Variants in RIOK3 observed in about 807,000 individuals in gnomAD.
RIOK3 encodes the protein RIO kinase 3.
Under a neutral mutation model 63.5 loss-of-function variants are expected in RIOK3, and 40 were observed. The ratio of observed to expected loss-of-function variants is 0.63; its 90% confidence interval spans 0.49 to 0.82. The LOEUF (loss-of-function observed/expected upper bound fraction) is 0.82. Ranked by LOEUF, RIOK3 falls within the 40% of genes least tolerant of loss-of-function variation. The pLI, the probability that RIOK3 is intolerant of heterozygous loss-of-function variation, is 0.00. For synonymous variants in RIOK3, 193 were observed against 205.0 expected (o/e 0.94, Z 0.50); for missense variants, 557 against 637.0 (o/e 0.87, Z 1.35).
intron 12 of RIOK3, 125 bp from the exon 13 acceptor site, chr18:23,481,047 T>C: frequency 1.5e-6 from 1 of 660,264 alleles, no homozygotes; most frequent in Non-Finnish European, 2.6e-6. Flanking sequence ...ACCACTGCAC[T>C]CCAGCCTGGA....
Position 23,477,018 on chromosome 18 carries a change from T to A in RIOK3, c.1186T>A (p.Leu396Ile). 6 of 1,613,380 alleles carry A rather than the reference T, an allele frequency of 3.7e-6. No homozygotes were observed. The highest frequency in any genetic ancestry group is 5.1e-6 in the Non-Finnish European group (6 of 1,179,600). The change falls in exon 10 of 13, where the codon TTA (leucine) becomes ATA (isoleucine). Residue 396 changes from leucine (L) to isoleucine (I), a missense_variant. Physicochemically the swap from Leu to Ile is conservative, Grantham distance 5 (BLOSUM62 2). This residue lies in a region of RIOK3 where 309 missense variants were observed against 338.7 expected (regional missense o/e 0.91). Coordinates refer to ENST00000339486, the MANE Select transcript of RIOK3 (RefSeq NM_003831.5). Reference sequence around the variant, plus strand: ...TCCCTCTTCACAGTTGATGCGGCAGTTATATCATGAATGTACGCTTGTCCA... The same window carrying A: ...TCCCTCTTCACAGTTGATGCGGCAGATATATCATGAATGTACGCTTGTCCA... ...YYQTLHLMRQ[L>I]YHECTLVHAD...
At chr18:23,478,135 G>A (rs2057505923) in intron 11 of RIOK3, among the ~76,000 whole-genome samples, 1 of 151,874 alleles carries the variant, frequency 6.6e-6, no homozygotes, top group Non-Finnish European at 1.5e-5. Flanking sequence ...TATATAAGCA[G>A]TCGAGTAGAC....
chr18:23,466,133 T>G lies in RIOK3; in HGVS notation c.544T>G (p.Phe182Val). The change falls in exon 6 of 13, where the codon TTT becomes GTT. Residue 182 changes from phenylalanine (F) to valine (V), a missense_variant and splice_region_variant. Coordinates refer to ENST00000339486, the MANE Select transcript of RIOK3 (RefSeq NM_003831.5). ...AGATGCTAATTCTTCCTTTTGGCAGTTTGCACCTGAGTTTCAGGTAGGAGA... is the reference window on the plus strand; with the variant it reads ...AGATGCTAATTCTTCCTTTTGGCAGGTTGCACCTGAGTTTCAGGTAGGAGA... ...GRKNTARMEN[F>V]APEFQVGDGI... 6.3e-7 allele frequency: 1 copy of G among 1,586,074 alleles called. No homozygotes were observed. Among genetic ancestry groups the G allele is most frequent in the South Asian group, 1.2e-5 (1 of 84,984 alleles).
chr18:23,479,820 A>T (rs969200790), intron 12 of RIOK3, among the ~76,000 whole-genome samples: 1 of 151,966 alleles, frequency 6.6e-6, no homozygotes, highest in Non-Finnish European at 1.5e-5. Context: ...CAAGGGATCC[A>T]CCCACCTTGG....
rs187267452 is a variant in RIOK3, at chr18:23,479,773, C to T, written c.1452+349C>T. Among the ~76,000 whole-genome samples the T allele has an allele frequency of 2.3e-3, 354 of 152,162 alleles. 4 individuals are homozygous for T. Among genetic ancestry groups the T allele is most frequent in the Middle Eastern group, 0.02 (6 of 294 alleles). ...TGTATTTTTGGTAGAGACAGGGTTT[C>T]GCCATGTTGGCCAGGCCGGTCTTGA... On this transcript the variant is annotated intron_variant, in intron 12 of 12. Coordinates refer to ENST00000339486, the MANE Select transcript of RIOK3 (RefSeq NM_003831.5).
intron 7 of RIOK3, among the ~76,000 whole-genome samples, chr18:23,473,001 T>TG (rs2057465936): frequency 6.6e-6 from 1 of 152,218 alleles, no homozygotes; most frequent in African/African-American, 2.4e-5. Context: ...TGCAGACTTG[T>TG]GGGGCAGGAA....
chr18:23,456,416 G>A (rs542105269), intron 1 of RIOK3: 1 of 152,084 alleles, frequency 6.6e-6, no homozygotes, highest in East Asian at 1.9e-4. Context: ...TAACATTAGT[G>A]TCACTAAAGT....
intron 1 of RIOK3, among the ~76,000 whole-genome samples, chr18:23,458,673 G>T (rs2090079311): frequency 6.6e-6 from 1 of 152,214 alleles, no homozygotes; most frequent in South Asian, 2.1e-4. Context: ...ACAAAAAGCG[G>T]TTTACTGAAG....
rs549315255 is a variant in RIOK3, at chr18:23,453,302, C to T, written c.-138C>T. Reference sequence around the variant, plus strand: ...GGAGAGATCCAGTTCCGGACGCGGCCGCCGCCGTCGCCGCCATCTGTCACC... The same window carrying T: ...GGAGAGATCCAGTTCCGGACGCGGCTGCCGCCGTCGCCGCCATCTGTCACC... On this transcript the variant is annotated 5_prime_UTR_variant, in exon 1 of 13. Transcript: ENST00000339486. 43 of 724,492 alleles carry T rather than the reference C, an allele frequency of 5.9e-5. 1 individual carries two copies. In the South Asian group the frequency reaches 6.4e-4, roughly 11 times the overall value. The allele number at this position is 724,492 out of a possible 1,614,324, so 44.9% of individuals were successfully genotyped here.
Position 23,481,952 on chromosome 18 carries a change from T to A in RIOK3, c.*673T>A, listed in dbSNP as rs1290141353. The A allele has an allele frequency of 2.0e-5, 3 of 152,232 alleles. No homozygotes were observed. Among genetic ancestry groups the A allele is most frequent in the African/African-American group, 7.2e-5 (3 of 41,460 alleles). The allele number at this position is 152,232 out of a possible 1,614,324, so 9.4% of individuals were successfully genotyped here. A position where few individuals can be genotyped will look rare whatever the true frequency, so the allele number is the denominator to read the frequency against. The stretch of plus-strand genomic sequence containing the variant: ...AAAGAGATAACTATATAACAGCTTT[T>A]TAACTATCCAGTCAACTTTCAGCTT... On this transcript the variant is annotated 3_prime_UTR_variant, in exon 13 of 13. Coordinates refer to ENST00000339486, the MANE Select transcript of RIOK3 (RefSeq NM_003831.5).
At chr18:23,453,660 G>A (rs2057319103) in intron 1 of RIOK3, among the ~76,000 whole-genome samples, 158 bp downstream of exon 1, 1 of 152,252 alleles carries the variant, frequency 6.6e-6, no homozygotes, top group Non-Finnish European at 1.5e-5. Context: ...TGCCGGGATG[G>A]GGATGGAGGG....
intron 1 of RIOK3, among the ~76,000 whole-genome samples, chr18:23,462,389 C>T (rs950387340): frequency 6.6e-6 from 1 of 152,156 alleles, no homozygotes; most frequent in Non-Finnish European, 1.5e-5. Flanking sequence ...TATCCACCCG[C>T]CTTGGCCTGC....
At chr18:23,454,659 T>C (rs996455274) in intron 1 of RIOK3, among the ~76,000 whole-genome samples, 1 of 152,228 alleles carries the variant, frequency 6.6e-6, no homozygotes, top group Admixed American at 6.5e-5. Context: ...TCAGAATACA[T>C]CCTAATCTCA....
intron 4 of RIOK3, 71 bp from the exon 5 acceptor site, chr18:23,464,448 C>T: frequency 8.3e-7 from 1 of 1,203,092 alleles, no homozygotes; most frequent in East Asian, 2.3e-5. Flanking sequence ...AATGTCTTTT[C>T]AGACAACGTT....
chr18:23,459,928 A>C (rs1340422986), intron 1 of RIOK3, among the ~76,000 whole-genome samples: 1 of 152,194 alleles, frequency 6.6e-6, no homozygotes, highest in Non-Finnish European at 1.5e-5. Context: ...TCCTGACCTC[A>C]GGTGATTCGC....
rs766327455 is a variant in RIOK3 at position 23,473,621 on chromosome 18, C to T, written c.1008C>T (p.Leu336=). ...RMWAEKEMHN[L]ARMQRAGIPC... Reference sequence around the variant, plus strand: ...GGGCAGAAAAAGAAATGCACAATCTCGCAAGGTAAAGAAAATATTGTGCTA... The same window carrying T: ...GGGCAGAAAAAGAAATGCACAATCTTGCAAGGTAAAGAAAATATTGTGCTA... The change falls in exon 8 of 13, where the codon CTC becomes CTT. Residue 336 remains leucine (L), a synonymous_variant. Coordinates refer to ENST00000339486, the MANE Select transcript of RIOK3 (RefSeq NM_003831.5). 7 of 1,610,508 alleles carry T rather than the reference C, an allele frequency of 4.3e-6. No homozygotes were observed. Among genetic ancestry groups the T allele is most frequent in the South Asian group, 1.1e-5 (1 of 90,644 alleles).
intron 1 of RIOK3, among the ~76,000 whole-genome samples, chr18:23,456,012 G>T (rs892895354): frequency 6.6e-6 from 1 of 152,144 alleles, no homozygotes; most frequent in African/African-American, 2.4e-5. Context: ...TGGCCAGGAT[G>T]GTCTCGATCT....
At chr18:23,466,323 A>G in intron 6 of RIOK3, 47 bp downstream of exon 6, 2 of 1,414,044 alleles carry the variant, frequency 1.4e-6, no homozygotes, top group South Asian at 1.5e-5. Context: ...AGAAAGATTC[A>G]TATTAGAAAA....
intron 5 of RIOK3, among the ~76,000 whole-genome samples, chr18:23,465,220 A>C (rs1250476187): frequency 6.6e-6 from 1 of 152,106 alleles, no homozygotes; most frequent in African/African-American, 2.4e-5. Flanking sequence ...AAAAATACAA[A>C]ATTAGCCAGG....
Sources: allele counts gnomAD v4.1 joint callset (sites outside exome capture counted in the v4.1 genomes callset), GRCh38; gene constraint gnomAD v4.1.1; regional missense constraint gnomAD v4.1.1; transcripts MANE v1.5; gene names NCBI Gene and HGNC (gene_info 2026-07-23, HGNC 2026-07-21).